GULP1: variants seen among roughly 807,000 people sequenced by gnomAD.
The protein encoded by GULP1 is PTB domain-containing engulfment adapter protein 1.
GULP1 carries 19 observed loss-of-function variants against 40.9 expected under a neutral mutation model. That is an observed-to-expected ratio of 0.46 (90% confidence interval 0.32 to 0.68). The LOEUF (loss-of-function observed/expected upper bound fraction) is 0.68, where lower values mean the gene tolerates loss of function less well. Among genes scored for constraint, GULP1 ranks in the 30% least tolerant of loss-of-function variants. The pLI, the probability that GULP1 is intolerant of heterozygous loss-of-function variation, is 0.03. For synonymous variants in GULP1, 119 were observed against 117.6 expected (o/e 1.01, Z -0.08); for missense variants, 312 against 362.2 (o/e 0.86, Z 1.12).
rs1037769914 is a variant in GULP1, at chr2:188,371,114, T to C, written c.-171-12649T>C. 5.3e-5 allele frequency among the ~76,000 whole-genome samples: 8 copies of C among 152,204 alleles called. 1 individual carries two copies. Among genetic ancestry groups the C allele is most frequent in the African/African-American group, 1.7e-4 (7 of 41,466 alleles). ...GCTGGCAAGATGTAAGTAGTTTGAA[T>C]ACTATGGTTTCCTTGATTAGGCTGC... On this transcript the variant is annotated intron_variant, in intron 1 of 11. Transcript: ENST00000409830.
chr2:188,495,515 TA>T (rs757071255), intron 4 of GULP1, among the ~76,000 whole-genome samples: 12 of 152,008 alleles, frequency 7.9e-5, no homozygotes, highest in Non-Finnish European at 1.6e-4. Context: ...TAATAGTGAT[TA>T]AGGGGTATTA....
intron 9 of GULP1, among the ~76,000 whole-genome samples, chr2:188,571,593 G>C (rs1399037447): frequency 2.6e-5 from 4 of 151,868 alleles, no homozygotes; most frequent in African/African-American, 7.3e-5. Context: ...ATTTTTTCTT[G>C]TCACTGTCTG....
At chr2:188,571,304 T>C (rs561932901) in intron 9 of GULP1, among the ~76,000 whole-genome samples, 3 of 152,216 alleles carry the variant, frequency 2.0e-5, no homozygotes, top group Non-Finnish European at 2.9e-5. Flanking sequence ...ACTAGAATCA[T>C]TCACAAGCTC....
chr2:188,527,293 A>T (rs1686414195), intron 5 of GULP1, among the ~76,000 whole-genome samples: 1 of 152,162 alleles, frequency 6.6e-6, no homozygotes, highest in African/African-American at 2.4e-5. Flanking sequence ...TTCAGAAGTC[A>T]TGCTCAGTCT....
chr2:188,574,688 C>T (rs927625169), intron 9 of GULP1, among the ~76,000 whole-genome samples: 1 of 152,030 alleles, frequency 6.6e-6, no homozygotes, highest in African/African-American at 2.4e-5. Context: ...CAAAACTTGG[C>T]TAGATAACTA....
chr2:188,468,785 A>G (rs185195453), intron 2 of GULP1, among the ~76,000 whole-genome samples: 10 of 152,270 alleles, frequency 6.6e-5, no homozygotes, highest in African/African-American at 2.2e-4. Context: ...ACAAATCTGG[A>G]CTTAGGTACG....
rs1047486491 is a variant in GULP1 at position 188,509,584 on chromosome 2, T to G, written c.91-13172T>G. 3.4e-4 allele frequency among the ~76,000 whole-genome samples: 52 copies of G among 152,096 alleles called. 1 individual carries two copies. The highest frequency in any genetic ancestry group is 3.4e-3 in the Admixed American group (52 of 15,238). ...TCTACAAAAAATGAGGACAGGAGTT[T>G]GAGTAACAGACTCCCTTAATATGAT... On this transcript the variant is annotated intron_variant, in intron 4 of 11. Transcript: ENST00000409830.
At chr2:188,522,423 T>C (rs1376677613) in intron 4 of GULP1, among the ~76,000 whole-genome samples, 1 of 152,078 alleles carries the variant, frequency 6.6e-6, no homozygotes, top group Non-Finnish European at 1.5e-5. Context: ...TAATTACTAA[T>C]AAGTTTACTA....
chr2:188,444,311 C>T (rs1317639674), intron 2 of GULP1, among the ~76,000 whole-genome samples: 1 of 152,054 alleles, frequency 6.6e-6, no homozygotes, highest in African/African-American at 2.4e-5. Context: ...TGAGATAATT[C>T]ATATGTTAAG....
intron 4 of GULP1, among the ~76,000 whole-genome samples, chr2:188,503,131 T>G (rs949550699): frequency 1.8e-4 from 27 of 151,940 alleles, no homozygotes; most frequent in African/African-American, 5.3e-4. Flanking sequence ...AAACCAAGCC[T>G]GTTAACCTGC....
In GULP1 at chr2:188,522,814, T is replaced by C; in HGVS notation, c.149T>C (p.Val50Ala). 30 of 1,605,050 alleles carry C rather than the reference T, an allele frequency of 1.9e-5. No individual in the cohort carries two copies. Among genetic ancestry groups the C allele is most frequent in the Non-Finnish European group, 2.6e-5 (30 of 1,172,126 alleles). ...PKGTEVVRDA[V>A]RKLKFARHIK... ...GGAACAGAAGTTGTGAGAGATGCTG[T>C]AAGGAAACTAAAGGTAGGGAAAGGC... is the stretch of plus-strand genomic sequence containing the variant. Residue 50 changes from valine (V) to alanine (A), a missense_variant, in exon 5 of 12, where the codon GTA (valine) becomes GCA (alanine). Coordinates refer to ENST00000409830, the MANE Select transcript of GULP1 (RefSeq NM_016315.4).
At chr2:188,492,429 G>A (rs187992494) in intron 4 of GULP1, among the ~76,000 whole-genome samples, 163 of 152,058 alleles carry the variant, frequency 1.1e-3, no homozygotes, top group Non-Finnish European at 1.1e-3. Context: ...GTGCAAGAAT[G>A]GAAATACTGA....
chr2:188,594,101 G>A lies in GULP1; in HGVS notation c.*90G>A. Reference sequence around the variant, plus strand: ...TTACTTTAAGATAGGTATTATTCATGTGTCAATGTTTTTGAATATTTTAAT... The same window carrying A: ...TTACTTTAAGATAGGTATTATTCATATGTCAATGTTTTTGAATATTTTAAT... On this transcript the variant is annotated 3_prime_UTR_variant, in exon 12 of 12. Coordinates refer to ENST00000409830, the MANE Select transcript of GULP1 (RefSeq NM_016315.4). The A allele has an allele frequency of 2.9e-6, 2 of 698,692 alleles. No individual in the cohort carries two copies. The highest frequency in any genetic ancestry group is 2.5e-6 in the Non-Finnish European group (1 of 406,724). The allele number at this position is 698,692 out of a possible 1,614,324, so 43.3% of individuals were successfully genotyped here. A position where few individuals can be genotyped will look rare whatever the true frequency, so the allele number is the denominator to read the frequency against.
At chr2:188,335,096 G>T (rs753381622) in intron 1 of GULP1, among the ~76,000 whole-genome samples, 5 of 152,180 alleles carry the variant, frequency 3.3e-5, no homozygotes, top group South Asian at 4.1e-4. Flanking sequence ...AAAATGTAAT[G>T]TTTAATACAC....
intron 2 of GULP1, among the ~76,000 whole-genome samples, chr2:188,427,743 A>G (rs983820446): frequency 6.6e-6 from 1 of 152,242 alleles, no homozygotes; most frequent in Non-Finnish European, 1.5e-5. Context: ...AGCCTCCTGC[A>G]CTGGTGGAAC....
chr2:188,507,745 T>C (rs2153187912), intron 4 of GULP1, among the ~76,000 whole-genome samples: 1 of 152,110 alleles, frequency 6.6e-6, no homozygotes, highest in African/African-American at 2.4e-5. Flanking sequence ...TAAATGAAAC[T>C]ACATAGTTCA....
intron 2 of GULP1, among the ~76,000 whole-genome samples, chr2:188,431,090 A>G (rs966011345): frequency 6.6e-6 from 1 of 152,148 alleles, no homozygotes; most frequent in East Asian, 1.9e-4. Flanking sequence ...ACAAATCTGC[A>G]TACCTTCCCT....
intron 1 of GULP1, among the ~76,000 whole-genome samples, chr2:188,315,720 G>A (rs1259678464): frequency 3.3e-5 from 5 of 151,874 alleles, no homozygotes; most frequent in Admixed American, 1.3e-4. Context: ...GTTTTTTCCT[G>A]TACATACCAA....
chr2:188,362,297 T>A (rs1465720862), intron 1 of GULP1, among the ~76,000 whole-genome samples: 1 of 152,150 alleles, frequency 6.6e-6, no homozygotes, highest in African/African-American at 2.4e-5. Context: ...AATACCATTA[T>A]AACATTGTTT....
Sources: allele counts gnomAD v4.1 joint callset (sites outside exome capture counted in the v4.1 genomes callset), GRCh38; gene constraint gnomAD v4.1.1; transcripts MANE v1.5; gene names NCBI Gene and HGNC (gene_info 2026-07-23, HGNC 2026-07-21).